CISTR: variants seen among roughly 807,000 people sequenced by gnomAD.
CISTR encodes the protein chondrogenic regulator lncRNA.
chr12:53,750,125 T>C (rs1937829852), intron 2 of CISTR, among the ~76,000 whole-genome samples: 1 of 152,170 alleles, frequency 6.6e-6, no homozygotes, highest in Non-Finnish European at 1.5e-5. Context: ...GCCAACATTA[T>C]GTTTATAGGT....
At chr12:53,747,422 G>A (rs919788204) in intron 2 of CISTR, among the ~76,000 whole-genome samples, 8 of 152,158 alleles carry the variant, frequency 5.3e-5, no homozygotes, top group African/African-American at 1.9e-4. Context: ...GTCTTTGGGG[G>A]AGAAACCCAG....
chr12:53,748,461 A>G (rs1001167343), intron 2 of CISTR, among the ~76,000 whole-genome samples: 4 of 152,186 alleles, frequency 2.6e-5, no homozygotes, highest in African/African-American at 7.2e-5. Context: ...CTGGAGATGA[A>G]GAGAGACGGA....
In CISTR at chr12:53,748,291, G is replaced by A. The variant is rs538885188; in HGVS notation, n.1064-1443C>T. Among the ~76,000 whole-genome samples the A allele has an allele frequency of 1.1e-3, 164 of 152,270 alleles. 3 individuals carry two copies. In the South Asian group the frequency reaches 0.031, roughly 29 times the overall value. ...GCCCTCTTCCCTCTCCAAGCCCTCC[G>A]CGCCAGCGCCCCCCCAACTCCATCC... On this transcript the variant is annotated intron_variant and non_coding_transcript_variant, in intron 2 of 2. Transcript: ENST00000669269.
intron 1 of CISTR, among the ~76,000 whole-genome samples, chr12:53,754,911 G>C (rs1365751788): frequency 1.3e-5 from 2 of 151,936 alleles, no homozygotes; most frequent in Non-Finnish European, 2.9e-5. Flanking sequence ...CTTGTCTTTT[G>C]TGTCTTCCTT....
intron 2 of CISTR, among the ~76,000 whole-genome samples, chr12:53,747,751 C>T (rs1474319057): frequency 6.6e-6 from 1 of 152,102 alleles, no homozygotes; most frequent in African/African-American, 2.4e-5. Flanking sequence ...GGTAGGTCTA[C>T]AGGTGCTATG....
chr12:53,749,072 C>G (rs530203995), intron 2 of CISTR, among the ~76,000 whole-genome samples: 1 of 151,948 alleles, frequency 6.6e-6, no homozygotes, highest in South Asian at 2.1e-4. Flanking sequence ...GCCACACACC[C>G]TCCCTCTGCA....
At chr12:53,753,052 TCACACACA>T (rs760615546) in intron 1 of CISTR, among the ~76,000 whole-genome samples, 27 of 121,246 alleles carry the variant, frequency 2.2e-4, no homozygotes, top group Non-Finnish European at 4.4e-4. Flanking sequence ...CATCTATACA[TCACACACA>T]CACACACACA....
chr12:53,753,197 T>C (rs1937878392), intron 1 of CISTR, among the ~76,000 whole-genome samples: 1 of 152,144 alleles, frequency 6.6e-6, no homozygotes, highest in African/African-American at 2.4e-5. Context: ...TCCTGACTCC[T>C]AAGAAGCAGA....
chr12:53,754,101 A>G (rs990367939), intron 1 of CISTR, among the ~76,000 whole-genome samples: 7 of 152,140 alleles, frequency 4.6e-5, no homozygotes, highest in African/African-American at 1.7e-4. Context: ...GGGAGGAGAT[A>G]GAGGTGGGGA....
rs568427932 is a variant in CISTR, at chr12:53,751,413, C to A, written n.415-448G>T. On this transcript the variant is annotated intron_variant and non_coding_transcript_variant, in intron 1 of 2. Coordinates refer to ENST00000669269, the Ensembl canonical transcript of CISTR. The surrounding 1 kb of genome is among the most constrained non-coding windows in gnomAD (Gnocchi z 4.6). Reference sequence around the variant, plus strand: ...CCCCAGCCCTGTCGCCTCCCACCCCCCTTCCGGCCGCGGCAGTTTCCGAAA... The same window carrying A: ...CCCCAGCCCTGTCGCCTCCCACCCCACTTCCGGCCGCGGCAGTTTCCGAAA... Among the ~76,000 whole-genome samples, 1 of 152,336 alleles carries A rather than the reference C, an allele frequency of 6.6e-6. No individual in the cohort carries two copies. The highest frequency in any genetic ancestry group is 2.1e-4 in the South Asian group (1 of 4,828).
At chr12:53,750,736 G>A (rs1380776126) in exon 2 of CISTR, 1 of 153,238 alleles carries the variant, frequency 6.5e-6, no homozygotes, top group Non-Finnish European at 1.5e-5. Flanking sequence ...GTGGTCATGT[G>A]CGAATGGTAT....
chr12:53,754,025 G>C (rs1937888252), intron 1 of CISTR, among the ~76,000 whole-genome samples: 3 of 152,034 alleles, frequency 2.0e-5, no homozygotes, highest in Admixed American at 2.0e-4. Flanking sequence ...ACCATGGCTA[G>C]GTGGAGACAT....
At chr12:53,754,214 A>C (rs1296413030) in intron 1 of CISTR, 3 of 152,180 alleles carry the variant, frequency 2.0e-5, no homozygotes, top group African/African-American at 7.2e-5. Flanking sequence ...AAAGCTAAAA[A>C]ATCTTCAACA....
At chr12:53,746,661 T>C (rs1314856240) in exon 3 of CISTR, among the ~76,000 whole-genome samples, 2 of 152,126 alleles carry the variant, frequency 1.3e-5, no homozygotes, top group Non-Finnish European at 2.9e-5. Context: ...GGGTTTTTGC[T>C]CGAGCTAAAG....
At chr12:53,755,188 A>G (rs1426113905) in intron 1 of CISTR, among the ~76,000 whole-genome samples, 1 of 152,118 alleles carries the variant, frequency 6.6e-6, no homozygotes, top group African/African-American at 2.4e-5. Flanking sequence ...GTGGGACGGG[A>G]GTTATTTTCC....
At chr12:53,747,734 T>C (rs1937799154) in intron 2 of CISTR, among the ~76,000 whole-genome samples, 2 of 152,120 alleles carry the variant, frequency 1.3e-5, no homozygotes, top group Admixed American at 1.3e-4. Flanking sequence ...GGACTTACTA[T>C]GTACAGGGTA....
chr12:53,750,684 G>A (rs990818864), exon 2 of CISTR: 13 of 153,144 alleles, frequency 8.5e-5, no homozygotes, highest in Non-Finnish European at 1.8e-4. Flanking sequence ...TGACTGGCAT[G>A]TGGCTATGCC....
At position 53,751,413 on chromosome 12, in the gene CISTR, C is replaced by G. The variant is rs568427932; in HGVS notation, n.415-448G>C. ...CCCCAGCCCTGTCGCCTCCCACCCCCCTTCCGGCCGCGGCAGTTTCCGAAA... is the reference window on the plus strand; with the variant it reads ...CCCCAGCCCTGTCGCCTCCCACCCCGCTTCCGGCCGCGGCAGTTTCCGAAA... On this transcript the variant is annotated intron_variant and non_coding_transcript_variant, in intron 1 of 2. Coordinates refer to ENST00000669269, the Ensembl canonical transcript of CISTR. This position sits in a 1 kb window ranked among gnomAD's most constrained non-coding sequence, Gnocchi z 4.6. Among the ~76,000 whole-genome samples, 24 of 152,336 alleles carry G rather than the reference C, an allele frequency of 1.6e-4. No individual in the cohort carries two copies. In the East Asian group the frequency reaches 3.3e-3, roughly 21 times the overall value.
In CISTR at chr12:53,756,521, G is replaced by A. The variant is rs1426585800; in HGVS notation, n.414+293C>T. Among the ~76,000 whole-genome samples, 2 of 152,184 alleles carry A rather than the reference G, an allele frequency of 1.3e-5. No homozygotes were observed. Among genetic ancestry groups the A allele is most frequent in the African/African-American group, 2.4e-5 (1 of 41,430 alleles). ...GATCCTCCTGCCTCAGCCTTCCAAAGTGCTGGGATCACAGACGTGAGCCAC... is the reference window on the plus strand; with the variant it reads ...GATCCTCCTGCCTCAGCCTTCCAAAATGCTGGGATCACAGACGTGAGCCAC... On this transcript the variant is annotated intron_variant and non_coding_transcript_variant, in intron 1 of 2. Transcript: ENST00000669269. This position sits in a 1 kb window ranked among gnomAD's most constrained non-coding sequence, Gnocchi z 4.0.
Sources: allele counts gnomAD v4.1 joint callset (sites outside exome capture counted in the v4.1 genomes callset), GRCh38; gene constraint gnomAD v4.1.1; non-coding constraint Gnocchi (gnomAD v3.1); transcripts MANE v1.5; gene names NCBI Gene and HGNC (gene_info 2026-07-23, HGNC 2026-07-21).